PER3: variants seen among roughly 807,000 people sequenced by gnomAD.
The protein encoded by PER3 is period circadian regulator 3, also known as period circadian protein homolog 3.
In PER3, 107 loss-of-function variants were observed where a neutral mutation model predicts 127.2. The observed-to-expected ratio is 0.84, with a 90% confidence interval of 0.72 to 0.99. PER3 has a LOEUF of 0.99. Ranked by LOEUF, PER3 falls within the 50% of genes least tolerant of loss-of-function variation. PER3 has a pLI of 0.00. For missense variants in PER3, 1,560 were observed against 1,525.8 expected, an observed-to-expected ratio of 1.02 and a Z score of -0.37; for synonymous variants, 618 against 585.8, an observed-to-expected ratio of 1.05 and a Z score of -0.79.
intron 10 of PER3, among the ~76,000 whole-genome samples, chr1:7,804,615 G>T (rs1276390060): frequency 6.6e-6 from 1 of 151,856 alleles, no homozygotes; most frequent in Non-Finnish European, 1.5e-5. Flanking sequence ...TGCCCAGGCT[G>T]GTCTCAAACT....
intron 3 of PER3, 39 bp downstream of exon 3, chr1:7,785,625 C>T (rs961700781): frequency 1.3e-6 from 2 of 1,580,302 alleles, no homozygotes; most frequent in Admixed American, 3.5e-5. Flanking sequence ...TACGAATGCA[C>T]CAGGACTCAT....
At position 7,844,030 on chromosome 1, in the gene PER3, T is replaced by C; in HGVS notation, c.*1275T>C. 1 of 1,057,652 alleles carries C rather than the reference T, an allele frequency of 9.5e-7. No homozygotes were observed. The highest frequency in any genetic ancestry group is 5.0e-5 in the Admixed American group (1 of 20,176). The allele number at this position is 1,057,652 out of a possible 1,614,324, so 65.5% of individuals were successfully genotyped here. ...CTTTATATAACTTGCAACAAACTAA[T>C]TTATTTTTTTTTCCTTTTTTTGTTT... is the stretch of plus-strand genomic sequence containing the variant. On this transcript the variant is annotated 3_prime_UTR_variant, in exon 22 of 22. Coordinates refer to ENST00000377532, the MANE Select transcript of PER3 (RefSeq NM_001377275.1).
rs999144696 is a variant in PER3, at chr1:7,837,239, A to G, written c.3549+90A>G. The G allele has an allele frequency of 2.9e-5, 31 of 1,074,056 alleles. No homozygotes were observed. The African/African-American group carries it at 4.6e-4, about 16-fold the overall frequency. 66.5% of individuals were successfully genotyped at this position (1,074,056 alleles called of 1,614,324 possible). ...GGTCGTGTTCTTGCATGATCCCACT[A>G]AAAACTTTAATCCTCACAGTTTACC... On this transcript the variant is annotated intron_variant, in intron 21 of 21. Coordinates refer to ENST00000377532, the MANE Select transcript of PER3 (RefSeq NM_001377275.1).
intron 1 of PER3, 78 bp downstream of exon 1, chr1:7,784,454 C>G (rs1392058978): frequency 6.5e-6 from 1 of 153,576 alleles, no homozygotes; most frequent in Admixed American, 6.5e-5. Context: ...AGGAGCCCCG[C>G]GAGCCCTGCC....
chr1:7,815,801 C>T (rs1301513452), intron 13 of PER3, among the ~76,000 whole-genome samples: 3 of 149,598 alleles, frequency 2.0e-5, no homozygotes, highest in Non-Finnish European at 4.4e-5. Context: ...CTGGCTAACA[C>T]GGTGAAACTC....
Position 7,844,478 on chromosome 1 carries a change from T to TA in PER3, c.*1726dup, listed in dbSNP as rs1271951993. 2 of 152,594 alleles carry TA rather than the reference T, an allele frequency of 1.3e-5. No homozygotes were observed. Among genetic ancestry groups the TA allele is most frequent in the African/African-American group, 4.8e-5 (2 of 41,476 alleles). The allele number at this position is 152,594 out of a possible 1,614,324, so 9.5% of individuals were successfully genotyped here. ...GTCTGTCAGTGACCTTCTGTAGTAA[T>TA]AAAGTTTTTGCCACTGTAAATAAAA... is the stretch of plus-strand genomic sequence containing the variant. On this transcript the variant is annotated 3_prime_UTR_variant, in exon 22 of 22. Coordinates refer to ENST00000377532, the MANE Select transcript of PER3 (RefSeq NM_001377275.1).
intron 13 of PER3, among the ~76,000 whole-genome samples, chr1:7,816,221 C>T (rs1201713854): frequency 6.6e-6 from 1 of 151,524 alleles, no homozygotes; most frequent in Non-Finnish European, 1.5e-5. Context: ...ATAATAAAGA[C>T]CAGATATCAA....
rs922298951 is a variant in PER3, at chr1:7,827,416, G to A, written c.2487G>A (p.Pro829=). ...GREYAAPGTA[P]EGLHGLPLSE... The stretch of plus-strand genomic sequence containing the variant: ...AATACGCAGCCCCCGGAACTGCACC[G>A]GAAGGCCTGCATGGGCTGCCCTTGT... The change falls in exon 18 of 22, where the codon CCG becomes CCA. Residue 829 remains proline (P), a synonymous_variant. Transcript: ENST00000377532. 8 of 1,614,050 alleles carry A rather than the reference G, an allele frequency of 5.0e-6. No individual in the cohort carries two copies. The highest frequency in any genetic ancestry group is 2.7e-5 in the African/African-American group (2 of 74,942).
chr1:7,842,499 C>CAAAA (rs373923215), intron 21 of PER3, 173 bp from the exon 22 acceptor site: 33 of 367,164 alleles, frequency 9.0e-5, no homozygotes, highest in Non-Finnish European at 1.1e-4. Context: ...GACTCTGTCT[C>CAAAA]AAAAAAAAAA....
At chr1:7,799,896 G>A (rs1309220776) in intron 7 of PER3, among the ~76,000 whole-genome samples, 4 of 152,034 alleles carry the variant, frequency 2.6e-5, no homozygotes, top group South Asian at 4.2e-4. Flanking sequence ...AGCCTCCAGG[G>A]TAGTTAGGAC....
chr1:7,794,475 G>A (rs774134846), intron 6 of PER3, among the ~76,000 whole-genome samples: 7 of 152,090 alleles, frequency 4.6e-5, no homozygotes, highest in Non-Finnish European at 7.4e-5. Context: ...CCTGGCAACA[G>A]AGCGAGACTC....
At chr1:7,817,614 C>T (rs573189240) in intron 13 of PER3, among the ~76,000 whole-genome samples, 1 of 152,262 alleles carries the variant, frequency 6.6e-6, no homozygotes, top group African/African-American at 2.4e-5. Context: ...GAAAGCCACA[C>T]AAAGCAGAAG....
chr1:7,804,385 C>T (rs545519645), intron 10 of PER3, among the ~76,000 whole-genome samples: 2 of 148,390 alleles, frequency 1.3e-5, no homozygotes, highest in African/African-American at 4.9e-5. Context: ...CATCAAATTC[C>T]ACTTGTTTGT....
chr1:7,835,874 C>G lies in PER3; in HGVS notation c.3327C>G (p.Ala1109=), dbSNP rs774727891. Residue 1109 remains alanine (A), a synonymous_variant, in exon 20 of 22, where the codon GCC becomes GCG. Coordinates refer to ENST00000377532, the MANE Select transcript of PER3 (RefSeq NM_001377275.1). ...AAAAAGAAACATTTCCTAATGTCGC[C>G]GAAGAGCCCATCTGGAGAATGATAC... ...VQKKETFPNV[A]EEPIWRMIRQ... is the part of the protein sequence containing the mutation. The G allele has an allele frequency of 3.7e-6, 6 of 1,611,512 alleles. No homozygotes were observed. Among genetic ancestry groups the G allele is most frequent in the Non-Finnish European group, 5.1e-6 (6 of 1,177,724 alleles).
Position 7,842,672 on chromosome 1 carries a change from G to T in PER3, c.3550G>T (p.Ala1184Ser). 1 of 1,612,922 alleles carries T rather than the reference G, an allele frequency of 6.2e-7. No homozygotes were observed. Among genetic ancestry groups the T allele is most frequent in the Non-Finnish European group, 8.5e-7 (1 of 1,179,210 alleles). ...TCGCCTGCTTTGTTCTTTTTTGGAGGCCTGTGTCACTTGTGAAAATGAAGA... is the reference window on the plus strand; with the variant it reads ...TCGCCTGCTTTGTTCTTTTTTGGAGTCCTGTGTCACTTGTGAAAATGAAGA... Reference protein sequence around the residue: ...QTVTQEIDIQACVTCENEDSA... With the variant: ...QTVTQEIDIQSCVTCENEDSA... Residue 1184 changes from alanine to serine, a missense_variant and splice_region_variant, in exon 22 of 22, where the codon GCC becomes TCC. Around this residue, in one of 3 missense-constraint regions of PER3, gnomAD observed 199 missense variants for 198.6 expected, o/e 1.00. Coordinates refer to ENST00000377532, the MANE Select transcript of PER3 (RefSeq NM_001377275.1).
At chr1:7,806,812 A>AAAAATATATATATATATAT (rs61141023) in intron 10 of PER3, among the ~76,000 whole-genome samples, 1 of 60,632 alleles carries the variant, frequency 1.6e-5, no homozygotes, top group African/African-American at 6.8e-5. Flanking sequence ...AAAAAAAAAA[A>AAAAATATATATATATATAT]ATATATATAT....
At chr1:7,839,011 T>C (rs933984425) in intron 21 of PER3, among the ~76,000 whole-genome samples, 32 of 152,258 alleles carry the variant, frequency 2.1e-4, no homozygotes, top group African/African-American at 7.5e-4. Flanking sequence ...ATAAAGATTT[T>C]TTTTTCCCTC....
chr1:7,837,811 C>T (rs1577976787), intron 21 of PER3, among the ~76,000 whole-genome samples: 3 of 152,250 alleles, frequency 2.0e-5, no homozygotes, highest in South Asian at 2.1e-4. Flanking sequence ...CAGTGGCTCA[C>T]GTCTGTAATC....
intron 4 of PER3, chr1:7,787,771 AG>A (rs2097099144): frequency 4.5e-6 from 2 of 444,870 alleles, no homozygotes; most frequent in Non-Finnish European, 8.3e-6. Context: ...TTTGCAGAGA[AG>A]TTATGTGCCA....
Sources: gnomAD v4.1 joint callset for allele counts (sites outside exome capture counted in the v4.1 genomes callset) on GRCh38, gnomAD v4.1.1 for gene constraint, gnomAD v4.1.1 regional missense constraint, MANE v1.5 for transcripts, NCBI Gene and HGNC (gene_info 2026-07-23, HGNC 2026-07-21) for gene names.